KCNN3: variants seen among roughly 807,000 people sequenced by gnomAD.
KCNN3 encodes potassium calcium-activated channel subfamily N member 3.
KCNN3 carries 16 observed loss-of-function variants against 62.9 expected under a neutral mutation model. The observed-to-expected ratio is 0.25, with a 90% CI of 0.17 to 0.39. The LOEUF (loss-of-function observed/expected upper bound fraction) is 0.39. Among genes scored for constraint, KCNN3 ranks in the 10% least tolerant of loss-of-function variants. The pLI is 1.00. For synonymous variants in KCNN3, 370 were observed against 389.2 expected (o/e 0.95, Z 0.58); for missense variants, 599 against 949.4 (o/e 0.63, Z 4.85).
chr1:154,805,637 C>A (rs918397606), intron 2 of KCNN3, among the ~76,000 whole-genome samples: 3 of 152,170 alleles, frequency 2.0e-5, no homozygotes, highest in Admixed American at 6.5e-5. Flanking sequence ...TGGGAATGAG[C>A]TTTCTCTGGG....
intron 2 of KCNN3, among the ~76,000 whole-genome samples, chr1:154,789,775 T>A (rs1649432082): frequency 6.6e-6 from 1 of 152,180 alleles, no homozygotes. Flanking sequence ...ACTGAAAACC[T>A]GATGCGAGCT....
intron 1 of KCNN3, chr1:154,859,665 C>T (rs758391013): frequency 1.2e-6 from 2 of 1,609,702 alleles, no homozygotes; most frequent in Non-Finnish European, 8.5e-7. Context: ...CTCCTCCCTA[C>T]CTACTGGGTA....
At chr1:154,732,281 T>C (rs762975665) in intron 4 of KCNN3, among the ~76,000 whole-genome samples, 8 of 151,896 alleles carry the variant, frequency 5.3e-5, no homozygotes, top group Admixed American at 2.0e-4. Context: ...CAGGTGAGAG[T>C]GTGTGCCTCC....
At chr1:154,783,711 C>T (rs1289177152) in intron 2 of KCNN3, among the ~76,000 whole-genome samples, 1 of 152,136 alleles carries the variant, frequency 6.6e-6, no homozygotes, top group East Asian at 1.9e-4. Flanking sequence ...GAGAGGGGAG[C>T]TGGCTAAGCA....
At chr1:154,790,826 C>T (rs1298279308) in intron 2 of KCNN3, among the ~76,000 whole-genome samples, 1 of 152,146 alleles carries the variant, frequency 6.6e-6, no homozygotes, top group East Asian at 1.9e-4. Context: ...AACACATCCC[C>T]CATGTATATA....
At chr1:154,808,441 G>A (rs1218917576) in intron 2 of KCNN3, among the ~76,000 whole-genome samples, 1 of 152,128 alleles carries the variant, frequency 6.6e-6, no homozygotes, top group Non-Finnish European at 1.5e-5. Flanking sequence ...CTGCACAGCA[G>A]CGTCCTCATT....
chr1:154,771,331 T>C lies in KCNN3; in HGVS notation c.1448+644A>G, dbSNP rs564763248. On this transcript the variant is annotated intron_variant, in intron 3 of 7. Transcript: ENST00000271915. ...CCCAACCACCAGCCTCCTAAAACAA[T>C]GTTTCCCAAAGTATGTTCCATCAGT... Among the ~76,000 whole-genome samples, 40 of 152,272 alleles carry C rather than the reference T, an allele frequency of 2.6e-4. 1 individual carries two copies. The South Asian group carries it at 8.3e-3, about 32-fold the overall frequency.
intron 1 of KCNN3, among the ~76,000 whole-genome samples, chr1:154,831,879 G>T (rs1233926236): frequency 6.6e-6 from 1 of 152,008 alleles, no homozygotes. Context: ...CTCTCCCTGG[G>T]ACACACACTC....
chr1:154,739,463 T>C (rs1239294288), intron 3 of KCNN3, among the ~76,000 whole-genome samples: 2 of 152,194 alleles, frequency 1.3e-5, no homozygotes, highest in Admixed American at 6.5e-5. Flanking sequence ...TGCTTCCATG[T>C]AGGCAGGATT....
chr1:154,759,603 G>A (rs1437004650), intron 3 of KCNN3, among the ~76,000 whole-genome samples: 2 of 152,166 alleles, frequency 1.3e-5, no homozygotes, highest in African/African-American at 2.4e-5. Context: ...CACCCAGCAT[G>A]GCACTAACTG....
chr1:154,728,097 A>G (rs977665142), intron 4 of KCNN3, among the ~76,000 whole-genome samples: 3 of 152,190 alleles, frequency 2.0e-5, no homozygotes, highest in African/African-American at 7.2e-5. Flanking sequence ...AATCACAACA[A>G]TCAATCATCC....
intron 5 of KCNN3, among the ~76,000 whole-genome samples, chr1:154,722,548 C>T (rs566016226): frequency 1.3e-4 from 20 of 151,580 alleles, no homozygotes; most frequent in African/African-American, 4.1e-4. Flanking sequence ...CCACTACGCC[C>T]GGCTAATTTT....
At chr1:154,865,781 G>A (rs1225780572) in intron 1 of KCNN3, among the ~76,000 whole-genome samples, 1 of 152,170 alleles carries the variant, frequency 6.6e-6, no homozygotes, top group African/African-American at 2.4e-5. Flanking sequence ...AAAAAAAGCA[G>A]AGAACTTCAG....
chr1:154,776,334 G>T (rs6681539), intron 2 of KCNN3, among the ~76,000 whole-genome samples: 2,045 of 152,192 alleles, frequency 0.013, 44 homozygotes, highest in African/African-American at 0.047. Context: ...ATAAAAAGTT[G>T]GACAGTGCTT....
intron 1 of KCNN3, among the ~76,000 whole-genome samples, chr1:154,826,841 G>A (rs1166918425): frequency 2.0e-5 from 3 of 152,226 alleles, no homozygotes; most frequent in Non-Finnish European, 4.4e-5. Context: ...AAAGGAGAAA[G>A]CTATGCTTAC....
chr1:154,727,831 C>T (rs985774166), intron 4 of KCNN3, among the ~76,000 whole-genome samples: 4 of 152,218 alleles, frequency 2.6e-5, no homozygotes, highest in African/African-American at 4.8e-5. Flanking sequence ...GATGTGTGCT[C>T]CCTTCCCCTC....
intron 3 of KCNN3, among the ~76,000 whole-genome samples, chr1:154,754,154 ATGG>A (rs1421383633): frequency 2.0e-5 from 3 of 152,224 alleles, no homozygotes; most frequent in African/African-American, 7.2e-5. Flanking sequence ...ATTTAAAAAT[ATGG>A]ACTTAATCTT....
At chr1:154,845,990 C>G (rs1034271982) in intron 1 of KCNN3, among the ~76,000 whole-genome samples, 14 of 152,182 alleles carry the variant, frequency 9.2e-5, no homozygotes, top group African/African-American at 3.1e-4. Context: ...TGTCAAGAGG[C>G]CAGTCCCCTT....
rs182112257 is a variant in KCNN3 at position 154,854,705 on chromosome 1, C to G, written c.933+14327G>C. ...TGGAGCTGAAAAATTCCTATCACTT[C>G]GTGACATCTTGATGATCCTGAACCT... is the stretch of plus-strand genomic sequence containing the variant. On this transcript the variant is annotated intron_variant, in intron 1 of 7. Coordinates refer to ENST00000271915, the MANE Select transcript of KCNN3 (RefSeq NM_002249.6). 3.3e-5 allele frequency among the ~76,000 whole-genome samples: 5 copies of G among 152,280 alleles called. No homozygotes were observed. The South Asian group carries it at 1.0e-3, about 32-fold the overall frequency.
Sources: allele counts gnomAD v4.1 joint callset (sites outside exome capture counted in the v4.1 genomes callset), GRCh38; gene constraint gnomAD v4.1.1; transcripts MANE v1.5; gene names NCBI Gene and HGNC (gene_info 2026-07-23, HGNC 2026-07-21).